RPH3A: variants seen among roughly 807,000 people sequenced by gnomAD.
RPH3A encodes the protein rabphilin 3A, also known as rabphilin-3A.
RPH3A carries 48 observed loss-of-function variants against 102.2 expected under a neutral mutation model. That is an observed-to-expected ratio of 0.47 (90% CI 0.37 to 0.60). RPH3A has a LOEUF of 0.60. RPH3A is among the 20% of genes least tolerant of loss of function. RPH3A has a pLI of 0.00. For synonymous variants in RPH3A, 310 were observed against 324.3 expected, an observed-to-expected ratio of 0.96 and a Z score of 0.47; for missense variants, 781 against 910.1, an observed-to-expected ratio of 0.86 and a Z score of 1.83.
intron 1 of RPH3A, among the ~76,000 whole-genome samples, chr12:112,765,662 A>G (rs938281538): frequency 6.6e-6 from 1 of 152,202 alleles, no homozygotes; most frequent in Admixed American, 6.5e-5. Flanking sequence ...AAAATGTTCA[A>G]TGTACTGCTT....
chr12:112,665,184 C>T (rs2040076108), intron 1 of RPH3A, among the ~76,000 whole-genome samples: 1 of 152,180 alleles, frequency 6.6e-6, no homozygotes, highest in Admixed American at 6.5e-5. Context: ...ATCTGTACCC[C>T]AGTCCATATC....
intron 1 of RPH3A, among the ~76,000 whole-genome samples, chr12:112,744,752 T>C (rs1229453770): frequency 6.6e-6 from 1 of 152,162 alleles, no homozygotes; most frequent in Non-Finnish European, 1.5e-5. Context: ...GAGACAGGGC[T>C]GGGATTTGAA....
At chr12:112,615,437 G>A (rs2039671473) in intron 1 of RPH3A, among the ~76,000 whole-genome samples, 2 of 152,184 alleles carry the variant, frequency 1.3e-5, no homozygotes, top group African/African-American at 4.8e-5. Flanking sequence ...GGCCACTAGA[G>A]AGGTGGTCTC....
intron 1 of RPH3A, among the ~76,000 whole-genome samples, chr12:112,762,681 T>G (rs1213396386): frequency 6.6e-6 from 1 of 152,230 alleles, no homozygotes; most frequent in Non-Finnish European, 1.5e-5. Flanking sequence ...TTTTTGTTTT[T>G]GTTAGATCAA....
chr12:112,868,638 TTAGCCAAC>T (rs2042653520), intron 8 of RPH3A, 43 bp downstream of exon 8: 7 of 1,588,888 alleles, frequency 4.4e-6, no homozygotes, highest in Non-Finnish European at 6.0e-6. Context: ...AGGACAGATC[TTAGCCAAC>T]TGGTCTACCT....
At chr12:112,714,996 C>T (rs2040504109) in intron 1 of RPH3A, among the ~76,000 whole-genome samples, 1 of 152,164 alleles carries the variant, frequency 6.6e-6, no homozygotes, top group African/African-American at 2.4e-5. Flanking sequence ...TAAGTTCCAC[C>T]TCCTCCAGGA....
intron 1 of RPH3A, among the ~76,000 whole-genome samples, chr12:112,628,775 T>TG (rs1373843148): frequency 6.6e-6 from 1 of 151,104 alleles, no homozygotes; most frequent in East Asian, 1.9e-4. Context: ...ACAGAAGCCA[T>TG]GGGGAGGTTT....
chr12:112,800,886 G>A (rs954707943), intron 2 of RPH3A, among the ~76,000 whole-genome samples: 3 of 152,186 alleles, frequency 2.0e-5, no homozygotes, highest in South Asian at 2.1e-4. Flanking sequence ...CAGAGTCAAG[G>A]CCGTTCAGGG....
intron 1 of RPH3A, among the ~76,000 whole-genome samples, chr12:112,585,714 G>A (rs181951066): frequency 6.0e-4 from 92 of 152,250 alleles, no homozygotes; most frequent in Middle Eastern, 3.4e-3. Context: ...TCCAGCCTGG[G>A]CAATAGAGTG....
intron 1 of RPH3A, among the ~76,000 whole-genome samples, chr12:112,727,785 A>G (rs1234655420): frequency 6.6e-6 from 1 of 152,188 alleles, no homozygotes; most frequent in Non-Finnish European, 1.5e-5. Context: ...AGACCACATT[A>G]GTAACTTAAA....
At chr12:112,891,350 A>G (rs777267877) in intron 19 of RPH3A, among the ~76,000 whole-genome samples, 22 of 152,170 alleles carry the variant, frequency 1.4e-4, no homozygotes, top group Non-Finnish European at 2.9e-4. Flanking sequence ...CTCCACCACC[A>G]AAGAGGCCAT....
chr12:112,725,000 G>C lies in RPH3A; in HGVS notation c.-139-67143G>C, dbSNP rs893853259. On this transcript the variant is annotated intron_variant, in intron 1 of 21. Transcript: ENST00000543106. ...AAATTGGCTCATGCCTGTAATCCCGGCACTTTGGGAGGCCAATGTGGGAAG... is the reference window on the plus strand; with the variant it reads ...AAATTGGCTCATGCCTGTAATCCCGCCACTTTGGGAGGCCAATGTGGGAAG... Among the ~76,000 whole-genome samples the C allele has an allele frequency of 7.9e-5, 12 of 151,238 alleles. 1 individual carries two copies. In the East Asian group the frequency reaches 2.3e-3, roughly 29 times the overall value.
At chr12:112,864,693 T>C (rs1035491976) in intron 5 of RPH3A, among the ~76,000 whole-genome samples, 1 of 152,204 alleles carries the variant, frequency 6.6e-6, no homozygotes, top group Non-Finnish European at 1.5e-5. Flanking sequence ...TACAGATTGC[T>C]GGATCTCTAT....
intron 1 of RPH3A, among the ~76,000 whole-genome samples, chr12:112,722,472 T>A (rs2136043106): frequency 6.6e-6 from 1 of 152,374 alleles, no homozygotes; most frequent in East Asian, 1.9e-4. Context: ...TTGCCTAAAC[T>A]CCATATTCAG....
At chr12:112,857,060 T>C (rs2042423259) in intron 5 of RPH3A, among the ~76,000 whole-genome samples, 1 of 152,180 alleles carries the variant, frequency 6.6e-6, no homozygotes. Flanking sequence ...TGTGTGTGTG[T>C]GTCTGTGTCT....
chr12:112,772,671 GT>G (rs1440588438), intron 1 of RPH3A, among the ~76,000 whole-genome samples: 20 of 152,060 alleles, frequency 1.3e-4, no homozygotes, highest in Non-Finnish European at 2.2e-4. Context: ...ATTAGTAGTA[GT>G]ATTGTCATTT....
chr12:112,581,887 C>A (rs963228534), intron 1 of RPH3A, among the ~76,000 whole-genome samples: 1 of 147,906 alleles, frequency 6.8e-6, no homozygotes, highest in Non-Finnish European at 1.5e-5. Flanking sequence ...GGCTTAGTTT[C>A]TTTTTCCGTT....
In RPH3A at chr12:112,897,145, TACACACAC is replaced by T. The variant is rs10563429; in HGVS notation, c.*388_*395del. ...CCTCCTAGCCTTGAACACACACATG[TACACACAC>T]ACACACACACACACACACACACCCT... On this transcript the variant is annotated 3_prime_UTR_variant, in exon 22 of 22. Coordinates refer to ENST00000389385, the MANE Select transcript of RPH3A (RefSeq NM_001143854.2). 9.1e-4 allele frequency: 168 copies of T among 183,692 alleles called. No individual in the cohort carries two copies. Among genetic ancestry groups the T allele is most frequent in the African/African-American group, 3.2e-3 (134 of 42,112 alleles). 11.4% of individuals were successfully genotyped at this position (183,692 alleles called of 1,614,324 possible). A position where few individuals can be genotyped will look rare whatever the true frequency, so the allele number is the denominator to read the frequency against.
chr12:112,734,200 A>G (rs760834074), intron 1 of RPH3A, among the ~76,000 whole-genome samples: 1 of 152,178 alleles, frequency 6.6e-6, no homozygotes, highest in Non-Finnish European at 1.5e-5. Flanking sequence ...CTATGCTTAG[A>G]TATGTTTAGA....
Sources: allele counts gnomAD v4.1 joint callset (sites outside exome capture counted in the v4.1 genomes callset), GRCh38; gene constraint gnomAD v4.1.1; transcripts MANE v1.5; gene names NCBI Gene and HGNC (gene_info 2026-07-23, HGNC 2026-07-21).